GDPD4: variants seen among roughly 807,000 people sequenced by gnomAD.
GDPD4 encodes glycerophosphodiester phosphodiesterase 6.
A neutral mutation model predicts 67.8 loss-of-function variants in GDPD4; 60 were observed. The observed-to-expected ratio is 0.88, with a 90% CI of 0.72 to 1.10. GDPD4 has a LOEUF of 1.10. Among genes scored for constraint, GDPD4 ranks in the 50% least tolerant of loss-of-function variants. The pLI, the probability that GDPD4 is intolerant of heterozygous loss-of-function variation, is 0.00. For synonymous variants in GDPD4, 212 were observed against 210.9 expected (o/e 1.00, Z -0.04); for missense variants, 623 against 613.9 (o/e 1.01, Z -0.16).
At chr11:77,274,352 A>G (rs962668088) in intron 5 of GDPD4, among the ~76,000 whole-genome samples, 1 of 152,198 alleles carries the variant, frequency 6.6e-6, no homozygotes, top group Non-Finnish European at 1.5e-5. Flanking sequence ...TGTGACCACC[A>G]ATACTGGAGG....
At chr11:77,259,172 A>AT (rs1208890635) in intron 10 of GDPD4, among the ~76,000 whole-genome samples, 7 of 151,796 alleles carry the variant, frequency 4.6e-5, no homozygotes, top group African/African-American at 9.7e-5. Flanking sequence ...TAGAGACAGG[A>AT]TTTTGTCATG....
intron 2 of GDPD4, among the ~76,000 whole-genome samples, chr11:77,286,766 G>GA (rs1349263540): frequency 6.6e-6 from 1 of 152,176 alleles, no homozygotes; most frequent in Non-Finnish European, 1.5e-5. Flanking sequence ...CTTCCTCAGG[G>GA]AAAATCACCA....
chr11:77,247,774 G>A (rs759765544), intron 11 of GDPD4, among the ~76,000 whole-genome samples: 4 of 152,244 alleles, frequency 2.6e-5, no homozygotes, highest in East Asian at 1.9e-4. Flanking sequence ...AGACAAGTCC[G>A]GGCATGGTGG....
intron 1 of GDPD4, among the ~76,000 whole-genome samples, chr11:77,295,280 A>T: frequency 6.7e-6 from 1 of 149,930 alleles, no homozygotes. Context: ...GAGCCACCAC[A>T]CCCAGCCCAC....
At chr11:77,219,417 AT>A (rs1237075498) in intron 16 of GDPD4, among the ~76,000 whole-genome samples, 4 of 152,072 alleles carry the variant, frequency 2.6e-5, no homozygotes, top group African/African-American at 9.7e-5. Flanking sequence ...TTTTGTTGCC[AT>A]TGCTTTTGGT....
At chr11:77,234,458 T>C (rs1958512746) in intron 13 of GDPD4, among the ~76,000 whole-genome samples, 1 of 152,154 alleles carries the variant, frequency 6.6e-6, no homozygotes, top group Non-Finnish European at 1.5e-5. Flanking sequence ...ATAGTGAACA[T>C]AGTACCCCAC....
chr11:77,279,405 A>G lies in GDPD4; in HGVS notation c.54-6T>C. Reference sequence around the variant, plus strand: ...CTGTTCCTAGAAAAGTGACCCTGAAAAAAAATGTGTTTCAGTTCTTAAAAT... The same window carrying G: ...CTGTTCCTAGAAAAGTGACCCTGAAGAAAAATGTGTTTCAGTTCTTAAAAT... On this transcript the variant is annotated splice_region_variant and splice_polypyrimidine_tract_variant and intron_variant, in intron 3 of 16. Transcript: ENST00000315938. The G allele has an allele frequency of 1.3e-6, 2 of 1,577,458 alleles. No homozygotes were observed. Among genetic ancestry groups the G allele is most frequent in the East Asian group, 4.5e-5 (2 of 44,710 alleles).
At chr11:77,252,038 GTTTT>G (rs1255656983) in intron 11 of GDPD4, among the ~76,000 whole-genome samples, 3 of 136,892 alleles carry the variant, frequency 2.2e-5, no homozygotes, top group African/African-American at 8.1e-5. Context: ...GTCCATTTGG[GTTTT>G]TTTGTTTGTT....
chr11:77,276,095 A>C (rs1959453502), intron 5 of GDPD4, 66 bp downstream of exon 5: 1 of 1,119,538 alleles, frequency 8.9e-7, no homozygotes, highest in Non-Finnish European at 1.4e-6. Flanking sequence ...ACCAAGGAGC[A>C]TGTTCAGGCC....
intron 16 of GDPD4, among the ~76,000 whole-genome samples, chr11:77,223,488 C>T (rs371253810): frequency 2.6e-5 from 4 of 152,140 alleles, no homozygotes; most frequent in Admixed American, 1.3e-4. Context: ...GAGGTCCACT[C>T]CAGACCCTGT....
intron 1 of GDPD4, among the ~76,000 whole-genome samples, chr11:77,291,796 C>T (rs1015139611): frequency 6.6e-6 from 1 of 152,022 alleles, no homozygotes; most frequent in African/African-American, 2.4e-5. Context: ...TTTGTGGGGC[C>T]AAGGCAGGCG....
At chr11:77,263,683 AGATAAGATAGTATTACT>A in intron 10 of GDPD4, among the ~76,000 whole-genome samples, 1 of 152,332 alleles carries the variant, frequency 6.6e-6, no homozygotes, top group East Asian at 1.9e-4. Context: ...TTTTAAATGA[AGATAAGATAGTATTACT>A]GATTTTTCCT....
intron 10 of GDPD4, among the ~76,000 whole-genome samples, chr11:77,260,357 GC>G (rs1240988430): frequency 3.3e-5 from 5 of 151,964 alleles, no homozygotes; most frequent in African/African-American, 1.2e-4. Context: ...AACTACAATG[GC>G]CTTAGAGCCA....
Position 77,243,749 on chromosome 11 carries a change from T to C in GDPD4, c.1186A>G (p.Asn396Asp), listed in dbSNP as rs1958721220. 1 of 1,612,570 alleles carries C rather than the reference T, an allele frequency of 6.2e-7. No homozygotes were observed. Among genetic ancestry groups the C allele is most frequent in the Non-Finnish European group, 8.5e-7 (1 of 1,178,698 alleles). The change falls in exon 13 of 17, where the codon AAC (asparagine) becomes GAC (aspartate). Residue 396 changes from asparagine to aspartate, a missense_variant. Transcript: ENST00000315938. Reference protein sequence around the residue: ...RLVSIETLAKNNISIINVDYK... With the variant: ...RLVSIETLAKDNISIINVDYK... ...TCAACATTTATTATACTGATATTGT[T>C]TTTAGCAAGGGTTTCAATGGATACT...
chr11:77,296,105 G>A (rs1352365861), intron 1 of GDPD4, among the ~76,000 whole-genome samples: 2 of 151,510 alleles, frequency 1.3e-5, no homozygotes, highest in Non-Finnish European at 2.9e-5. Context: ...CAAAAAATTA[G>A]CCAGGCATGG....
chr11:77,263,433 G>A (rs188760403), intron 10 of GDPD4, among the ~76,000 whole-genome samples: 5 of 151,858 alleles, frequency 3.3e-5, no homozygotes, highest in South Asian at 2.1e-4. Context: ...CTAGCACAAC[G>A]ACTGAAAAAA....
rs1417888608 is a variant in GDPD4, at chr11:77,269,034, TAAG to T, written c.511_513del (p.Leu171del). 1 of 1,613,692 alleles carries T rather than the reference TAAG, an allele frequency of 6.2e-7. No individual in the cohort carries two copies. Among genetic ancestry groups the T allele is most frequent in the South Asian group, 1.1e-5 (1 of 91,048 alleles). ...GGCATCAAATAGAGACCTAAAAGGA[TAAG>T]AAGAAAGGGTAATCCAACAGGCACT... is the stretch of plus-strand genomic sequence containing the variant. On this transcript the variant is annotated inframe_deletion, in exon 9 of 17. Transcript: ENST00000315938.
Position 77,216,837 on chromosome 11 carries a change from CTT to C in GDPD4, c.*438_*439del. Reference sequence around the variant, plus strand: ...AGCAGGGGAGATGTGGCTAATTCTTCTTTGGAAACACAGAAGGCTATGTCAGA... The same window carrying C: ...AGCAGGGGAGATGTGGCTAATTCTTCTGGAAACACAGAAGGCTATGTCAGA... On this transcript the variant is annotated 3_prime_UTR_variant, in exon 17 of 17. Coordinates refer to ENST00000315938, the MANE Select transcript of GDPD4 (RefSeq NM_182833.3). The C allele has an allele frequency of 1.6e-6, 1 of 618,802 alleles. No homozygotes were observed. The highest frequency in any genetic ancestry group is 2.9e-6 in the Non-Finnish European group (1 of 346,548). The allele number at this position is 618,802 out of a possible 1,614,324, so 38.3% of individuals were successfully genotyped here.
chr11:77,245,741 C>T (rs945048763), intron 11 of GDPD4, among the ~76,000 whole-genome samples: 14 of 152,170 alleles, frequency 9.2e-5, no homozygotes, highest in African/African-American at 3.4e-4. Context: ...CACTGAAGGT[C>T]ATGTTCTTAT....
Sources: gnomAD v4.1 joint callset for allele counts (sites outside exome capture counted in the v4.1 genomes callset) on GRCh38, gnomAD v4.1.1 for gene constraint, MANE v1.5 for transcripts, NCBI Gene and HGNC (gene_info 2026-07-23, HGNC 2026-07-21) for gene names.